The following EXOC6B variants were observed in gnomAD, a reference collection of about 807,000 sequenced individuals.
The protein encoded by EXOC6B is exocyst complex component 6B.
Under a neutral mutation model 113.5 loss-of-function variants are expected in EXOC6B, and 54 were observed. That is an observed-to-expected ratio of 0.48 (90% confidence interval 0.38 to 0.60). EXOC6B has a LOEUF of 0.60. Ranked by LOEUF, EXOC6B falls within the 20% of genes least tolerant of loss-of-function variation. The probability of loss-of-function intolerance (pLI) is 0.00; values close to 1 mark genes in which losing one functional copy is unlikely to be tolerated. For synonymous variants in EXOC6B, 357 were observed against 339.0 expected, an observed-to-expected ratio of 1.05 and a Z score of -0.58; for missense variants, 797 against 977.5, an observed-to-expected ratio of 0.82 and a Z score of 2.46.
intron 20 of EXOC6B, among the ~76,000 whole-genome samples, chr2:72,243,059 G>A (rs775794818): frequency 1.1e-4 from 17 of 152,106 alleles, no homozygotes; most frequent in Non-Finnish European, 1.9e-4. Context: ...TACACAGGTT[G>A]TATCAGTCTG....
chr2:72,310,961 A>G (rs1020657436), intron 20 of EXOC6B, among the ~76,000 whole-genome samples: 2 of 152,120 alleles, frequency 1.3e-5, no homozygotes, highest in African/African-American at 2.4e-5. Flanking sequence ...ATTTTCTCAA[A>G]GTCATTCAGC....
intron 6 of EXOC6B, among the ~76,000 whole-genome samples, chr2:72,593,532 G>C (rs549325819): frequency 6.6e-6 from 1 of 152,016 alleles, no homozygotes; most frequent in Admixed American, 6.6e-5. Flanking sequence ...GCTGTCAGAA[G>C]TGTTAGCAGA....
At chr2:72,268,218 C>G (rs1684256472) in intron 20 of EXOC6B, among the ~76,000 whole-genome samples, 1 of 152,066 alleles carries the variant, frequency 6.6e-6, no homozygotes. Flanking sequence ...TCAAGCAATT[C>G]TTATGCCTCA....
chr2:72,239,326 G>T (rs1422289109), intron 20 of EXOC6B, among the ~76,000 whole-genome samples: 1 of 152,090 alleles, frequency 6.6e-6, no homozygotes, highest in Non-Finnish European at 1.5e-5. Flanking sequence ...TTACATTTAG[G>T]TCTTTGATAC....
At chr2:72,680,905 A>C (rs1287323705) in intron 6 of EXOC6B, among the ~76,000 whole-genome samples, 1 of 152,146 alleles carries the variant, frequency 6.6e-6, no homozygotes, top group Non-Finnish European at 1.5e-5. Flanking sequence ...TAATGGGAAA[A>C]GTTATGGTTC....
In EXOC6B at chr2:72,407,953, T is replaced by C. The variant is rs530053421; in HGVS notation, c.1981-28083A>G. Among the ~76,000 whole-genome samples the C allele has an allele frequency of 7.9e-4, 120 of 152,330 alleles. 1 individual carries two copies. Among genetic ancestry groups the C allele is most frequent in the African/African-American group, 2.8e-3 (118 of 41,570 alleles). On this transcript the variant is annotated intron_variant, in intron 18 of 21. Transcript: ENST00000272427. Reference sequence around the variant, plus strand: ...CCTGTTTGCAGATGACATGATTGTATATCTAGAAAACCCCATCGTCTCAGC... The same window carrying C: ...CCTGTTTGCAGATGACATGATTGTACATCTAGAAAACCCCATCGTCTCAGC...
chr2:72,401,623 A>ATATATATATATATATATATG (rs1693296327), intron 18 of EXOC6B, among the ~76,000 whole-genome samples: 1 of 36,336 alleles, frequency 2.8e-5, no homozygotes, highest in East Asian at 5.8e-4. Flanking sequence ...ATATATATAC[A>ATATATATATATATATATATG]TATATATATA....
chr2:72,263,417 G>T (rs113824379), intron 20 of EXOC6B: 1 of 152,166 alleles, frequency 6.6e-6, no homozygotes, highest in Non-Finnish European at 1.5e-5. Context: ...CTGAGAAAGC[G>T]TTGGGGCAAG....
intron 20 of EXOC6B, among the ~76,000 whole-genome samples, chr2:72,273,641 T>C (rs1684641318): frequency 6.6e-6 from 1 of 152,136 alleles, no homozygotes; most frequent in African/African-American, 2.4e-5. Flanking sequence ...AACTTTGCTA[T>C]GTCATGCTTG....
At chr2:72,315,424 G>A (rs1687458606) in intron 20 of EXOC6B, among the ~76,000 whole-genome samples, 1 of 152,022 alleles carries the variant, frequency 6.6e-6, no homozygotes, top group Admixed American at 6.6e-5. Context: ...TGTGAAACAG[G>A]AAGCTCCTGT....
chr2:72,511,146 A>C (rs1700875364), intron 11 of EXOC6B, among the ~76,000 whole-genome samples: 4 of 152,172 alleles, frequency 2.6e-5, no homozygotes, highest in Admixed American at 2.6e-4. Context: ...AAAAACCATA[A>C]GCAAAAATAA....
chr2:72,413,857 T>G (rs958483489), intron 18 of EXOC6B, among the ~76,000 whole-genome samples: 4 of 152,184 alleles, frequency 2.6e-5, no homozygotes, highest in Non-Finnish European at 5.9e-5. Context: ...TAACAAGTTG[T>G]CTAGTGATAT....
intron 6 of EXOC6B, among the ~76,000 whole-genome samples, chr2:72,678,399 T>C (rs1676462889): frequency 6.6e-6 from 1 of 152,206 alleles, no homozygotes; most frequent in South Asian, 2.1e-4. Flanking sequence ...GAAGGAGATA[T>C]GTCTGCTTAT....
In EXOC6B at chr2:72,492,328, C is replaced by T. The variant is rs556660098; in HGVS notation, c.1655G>A (p.Gly552Glu). The change falls in exon 16 of 22, where the codon GGG (glycine) becomes GAG (glutamate). Residue 552 changes from glycine to glutamate, a missense_variant. Gly to Glu is a moderately conservative substitution (Grantham distance 98). Transcript: ENST00000272427. The stretch of plus-strand genomic sequence containing the variant: ...TAGGAGCAGGTTTACCTCAGTAAGC[C>T]CAATATTCTTCCTTTTAATTACATT... ...LQNVIKRKNIGLTELVQIIIN... is the reference protein window; with the variant it reads ...LQNVIKRKNIELTELVQIIIN... 1 of 1,609,746 alleles carries T rather than the reference C, an allele frequency of 6.2e-7. No individual in the cohort carries two copies. Among genetic ancestry groups the T allele is most frequent in the Non-Finnish European group, 8.5e-7 (1 of 1,176,432 alleles).
At chr2:72,537,798 C>T (rs1490738513) in intron 8 of EXOC6B, among the ~76,000 whole-genome samples, 1 of 151,914 alleles carries the variant, frequency 6.6e-6, no homozygotes. Flanking sequence ...AGACACTCAC[C>T]AAGGTTTTAA....
chr2:72,559,525 C>A lies in EXOC6B; in HGVS notation c.847-4G>T, dbSNP rs762938963. The A allele has an allele frequency of 2.5e-5, 40 of 1,610,636 alleles. No homozygotes were observed. The highest frequency in any genetic ancestry group is 3.3e-5 in the Non-Finnish European group (39 of 1,178,184). ...CCAAATCTTGGGCCCCAGGTACCTG[C>A]AAACACAAGATTATAACAAAAAAAT... On this transcript the variant is annotated splice_region_variant and splice_polypyrimidine_tract_variant and intron_variant, in intron 7 of 21. Transcript: ENST00000272427.
At chr2:72,793,357 T>C (rs1684782786) in intron 1 of EXOC6B, among the ~76,000 whole-genome samples, 1 of 152,218 alleles carries the variant, frequency 6.6e-6, no homozygotes, top group African/African-American at 2.4e-5. Flanking sequence ...AAGAACAGCC[T>C]GCATTTAATA....
chr2:72,671,867 G>A, intron 6 of EXOC6B, among the ~76,000 whole-genome samples: 1 of 145,166 alleles, frequency 6.9e-6, no homozygotes, highest in East Asian at 2.0e-4. Context: ...AAGGAAGGAA[G>A]AAAGGAATGA....
chr2:72,397,429 G>A (rs551981261), intron 18 of EXOC6B, among the ~76,000 whole-genome samples: 94 of 151,758 alleles, frequency 6.2e-4, no homozygotes, highest in African/African-American at 2.1e-3. Context: ...GACCATCCTG[G>A]CTAACACGGT....
Sources: gnomAD v4.1 joint callset for allele counts (sites outside exome capture counted in the v4.1 genomes callset) on GRCh38, gnomAD v4.1.1 for gene constraint, MANE v1.5 for transcripts, NCBI Gene and HGNC (gene_info 2026-07-23, HGNC 2026-07-21) for gene names.